COLEC10: variants seen among roughly 807,000 people sequenced by gnomAD.
The protein encoded by COLEC10 is collectin subfamily member 10.
In COLEC10, 22 loss-of-function variants were observed where a neutral mutation model predicts 28.4. The observed-to-expected ratio is 0.78, with a 90% CI of 0.55 to 1.11. The LOEUF is 1.11. Among genes scored for constraint, COLEC10 ranks in the 50% least tolerant of loss-of-function variants. The probability of loss-of-function intolerance (pLI) is 0.00; values close to 1 mark genes in which losing one functional copy is unlikely to be tolerated. For missense variants in COLEC10, 361 were observed against 344.1 expected (o/e 1.05, Z -0.39); for synonymous variants, 125 against 116.1 (o/e 1.08, Z -0.49).
At chr8:119,068,170 C>T (rs969046103) in intron 1 of COLEC10, 1 of 152,170 alleles carries the variant, frequency 6.6e-6, no homozygotes, top group Non-Finnish European at 1.5e-5. Context: ...ATTAGTAATT[C>T]ATGCTGTTTC....
intron 1 of COLEC10, among the ~76,000 whole-genome samples, chr8:119,086,881 T>A (rs1815490794): frequency 6.6e-6 from 1 of 152,214 alleles, no homozygotes; most frequent in Non-Finnish European, 1.5e-5. Flanking sequence ...AAGGCAGGAA[T>A]TTGTTCTAAA....
chr8:118,976,813 AC>A, the COLEC10 span, among the ~76,000 whole-genome samples: 1 of 152,198 alleles, frequency 6.6e-6, no homozygotes, highest in African/African-American at 2.4e-5. Flanking sequence ...TGAACAGGCA[AC>A]CTACAAAATG....
chr8:118,958,768 A>G, the COLEC10 span, among the ~76,000 whole-genome samples: 1 of 152,196 alleles, frequency 6.6e-6, no homozygotes, highest in Non-Finnish European at 1.5e-5. Flanking sequence ...TCATATTTCA[A>G]TATTTATCTT....
At chr8:118,994,158 T>C (rs1173462392), upstream of COLEC10, among the ~76,000 whole-genome samples, 1 of 152,170 alleles carries the variant, frequency 6.6e-6, no homozygotes, top group Non-Finnish European at 1.5e-5. Flanking sequence ...GCTTTCTAAG[T>C]GTGGCCTCCA....
the COLEC10 span, among the ~76,000 whole-genome samples, chr8:118,987,001 AACTATGC>A: frequency 6.6e-6 from 1 of 152,130 alleles, no homozygotes; most frequent in South Asian, 2.1e-4. Context: ...AGTACCATTG[AACTATGC>A]ACTTTTAAAA....
intron 2 of COLEC10, among the ~76,000 whole-genome samples, chr8:119,051,106 A>G (rs2130176247): frequency 2.0e-5 from 3 of 152,300 alleles, no homozygotes; most frequent in Middle Eastern, 6.8e-3. Flanking sequence ...ACTAGTTTCC[A>G]AGTTAGAGGT....
At chr8:119,055,073 C>T (rs1360771254) in intron 2 of COLEC10, among the ~76,000 whole-genome samples, 1 of 152,038 alleles carries the variant, frequency 6.6e-6, no homozygotes, top group Non-Finnish European at 1.5e-5. Flanking sequence ...ACATGCTTTT[C>T]AGTAGAGTTG....
At chr8:119,042,253 C>G (rs1477668271) in intron 2 of COLEC10, among the ~76,000 whole-genome samples, 2 of 152,068 alleles carry the variant, frequency 1.3e-5, no homozygotes, top group African/African-American at 2.4e-5. Context: ...CCGTTTCGGC[C>G]TCCCAAAGTG....
chr8:118,957,654 T>C, the COLEC10 span, among the ~76,000 whole-genome samples: 1 of 152,168 alleles, frequency 6.6e-6, no homozygotes, highest in African/African-American at 2.4e-5. Flanking sequence ...TTGACATACA[T>C]GCTAACAGGT....
At chr8:119,064,547 C>T (rs1814917915), upstream of COLEC10, among the ~76,000 whole-genome samples, 2 of 152,110 alleles carry the variant, frequency 1.3e-5, no homozygotes, top group African/African-American at 4.8e-5. Flanking sequence ...ATTTTACATG[C>T]CTAGTGGCAA....
chr8:119,093,537 A>G (rs1815653271), intron 3 of COLEC10, among the ~76,000 whole-genome samples: 2 of 152,166 alleles, frequency 1.3e-5, no homozygotes, highest in Admixed American at 1.3e-4. Context: ...CATGTGTTTC[A>G]GTCCTTCCCA....
Position 119,103,885 on chromosome 8 carries a change from T to C in COLEC10, c.432T>C (p.Phe144=). Reference sequence around the variant, plus strand: ...CTCGGCTCAAGACATCTATGAAGTTTGTCAAGAATGGTGAGCATATTCTCT... The same window carrying C: ...CTCGGCTCAAGACATCTATGAAGTTCGTCAAGAATGGTGAGCATATTCTCT... The part of the protein sequence containing the change: ...SIARLKTSMK[F]VKNVIAGIRE... Residue 144 remains phenylalanine, a synonymous_variant, in exon 5 of 6, where the codon TTT becomes TTC. Coordinates refer to ENST00000332843, the MANE Select transcript of COLEC10 (RefSeq NM_006438.5). The C allele has an allele frequency of 6.2e-7, 1 of 1,606,742 alleles. No homozygotes were observed. The highest frequency in any genetic ancestry group is 8.5e-7 in the Non-Finnish European group (1 of 1,173,626).
At chr8:118,978,849 T>C in the COLEC10 span, among the ~76,000 whole-genome samples, 2 of 152,098 alleles carry the variant, frequency 1.3e-5, no homozygotes, top group African/African-American at 4.8e-5. Flanking sequence ...CTCTCATCCA[T>C]GCCTTTCAAC....
chr8:119,102,575 T>C (rs536601714), intron 4 of COLEC10, 174 bp downstream of exon 4: 76 of 561,164 alleles, frequency 1.4e-4, no homozygotes, highest in Admixed American at 5.3e-4. Flanking sequence ...GCTGGTGACT[T>C]TCCAAGCCTT....
intron 1 of COLEC10, among the ~76,000 whole-genome samples, chr8:119,084,683 G>A (rs914349813): frequency 1.3e-5 from 2 of 152,160 alleles, no homozygotes; most frequent in African/African-American, 4.8e-5. Context: ...TTATATAGGA[G>A]TTTGTTCTTA....
In COLEC10 at chr8:119,014,352, G is replaced by C. The variant is rs946622074; in HGVS notation, n.235+4799G>C. Among the ~76,000 whole-genome samples, 4 of 149,518 alleles carry C rather than the reference G, an allele frequency of 2.7e-5. 1 individual carries two copies. The highest frequency in any genetic ancestry group is 1.0e-4 in the African/African-American group (4 of 39,576). On this transcript the variant is annotated intron_variant and non_coding_transcript_variant, in intron 2 of 6. Transcript: ENST00000521788. ...TAATTTCGCAGGGTACAGCATTCTAGATTGGTAGGTCTTTTCCCCTCAACA... is the reference window on the plus strand; with the variant it reads ...TAATTTCGCAGGGTACAGCATTCTACATTGGTAGGTCTTTTCCCCTCAACA...
At chr8:119,077,243 A>ATTGTTTTT (rs1554628157) in intron 1 of COLEC10, among the ~76,000 whole-genome samples, 1 of 90,290 alleles carries the variant, frequency 1.1e-5, no homozygotes, top group Non-Finnish European at 2.1e-5. Flanking sequence ...GTAGAGAATG[A>ATTGTTTTT]TTTTTTTTTT....
rs1815311423 is a variant in COLEC10, at chr8:119,079,005, AC to A, written c.149-10674del. On this transcript the variant is annotated intron_variant, in intron 1 of 5. Coordinates refer to ENST00000332843, the MANE Select transcript of COLEC10 (RefSeq NM_006438.5). Reference sequence around the variant, plus strand: ...TGGGAAAACGTACACACACACACACACACACACACACACACACACACACACA... The same window carrying A: ...TGGGAAAACGTACACACACACACACAACACACACACACACACACACACACA... Among the ~76,000 whole-genome samples, 6 of 18,050 alleles carry A rather than the reference AC, an allele frequency of 3.3e-4. No homozygotes were observed. In the African/African-American group the frequency reaches 4.3e-3, roughly 13 times the overall value. The allele number at this position is 18,050 out of a possible 152,430, so 11.8% of individuals were successfully genotyped here. A position where few individuals can be genotyped will look rare whatever the true frequency, so the allele number is the denominator to read the frequency against.
intron 2 of COLEC10, among the ~76,000 whole-genome samples, chr8:119,049,476 G>A (rs118006724): frequency 0.04 from 5,363 of 133,026 alleles, 149 homozygotes; most frequent in East Asian, 0.18. Flanking sequence ...GTGCCGTGGC[G>A]CAATCTGGGC....
Sources: gnomAD v4.1 joint callset for allele counts (sites outside exome capture counted in the v4.1 genomes callset) on GRCh38, gnomAD v4.1.1 for gene constraint, MANE v1.5 for transcripts, NCBI Gene and HGNC (gene_info 2026-07-23, HGNC 2026-07-21) for gene names.